The following RTL4 variants were observed in gnomAD, a reference collection of about 807,000 sequenced individuals.
The protein encoded by RTL4 is retrotransposon Gag-like protein 4.
Under a neutral mutation model 5.3 loss-of-function variants are expected in RTL4, and 4 were observed. That is an observed-to-expected ratio of 0.75 (90% CI 0.37 to 1.72). RTL4 has a LOEUF of 1.72. Among genes scored for constraint, RTL4 ranks in the 40% most tolerant of loss-of-function variants. RTL4 has a pLI of 0.04. For synonymous variants in RTL4, 98 were observed against 87.3 expected (o/e 1.12, Z -0.68); for missense variants, 260 against 227.1 (o/e 1.14, Z -0.93).
the RTL4 span, among the ~76,000 whole-genome samples, chrX:112,135,019 G>T: frequency 2.1e-4 from 23 of 112,052 alleles, no homozygotes; most frequent in Non-Finnish European, 4.3e-4. Context: ...ACATTCATAT[G>T]CAAATGTTTG....
chrX:112,104,416 G>A, the RTL4 span, among the ~76,000 whole-genome samples: 3 of 111,474 alleles, frequency 2.7e-5, no homozygotes, highest in Non-Finnish European at 5.7e-5. Context: ...AATACACCCA[G>A]TAATGGGATC....
the RTL4 span, among the ~76,000 whole-genome samples, chrX:112,174,159 C>A: frequency 2.9e-5 from 3 of 102,925 alleles, no homozygotes; most frequent in African/African-American, 1.1e-4. Flanking sequence ...TATACATGTG[C>A]CATGCTGGTG....
chrX:112,165,323 G>A, the RTL4 span, among the ~76,000 whole-genome samples: 1 of 112,340 alleles, frequency 8.9e-6, no homozygotes, highest in African/African-American at 3.2e-5. Context: ...TTCAGAAGCA[G>A]TAAAATGCCA....
chrX:112,174,672 G>A, the RTL4 span, among the ~76,000 whole-genome samples: 1 of 69,250 alleles, frequency 1.4e-5, no homozygotes, highest in Non-Finnish European at 2.8e-5. Context: ...CTTCCACAAT[G>A]GTTGAACTAG....
chrX:112,219,268 A>C, the RTL4 span, among the ~76,000 whole-genome samples: 1 of 112,569 alleles, frequency 8.9e-6, no homozygotes, highest in Non-Finnish European at 1.9e-5. Context: ...AGGCATCTCA[A>C]GGGAATAAGA....
chrX:112,135,450 C>T, the RTL4 span, among the ~76,000 whole-genome samples: 30 of 111,293 alleles, frequency 2.7e-4, no homozygotes, highest in African/African-American at 7.5e-4. Flanking sequence ...AGATATACTT[C>T]GCAATGATTT....
At chrX:112,295,403 G>A in the RTL4 span, among the ~76,000 whole-genome samples, 1 of 112,161 alleles carries the variant, frequency 8.9e-6, no homozygotes, top group East Asian at 2.8e-4. Context: ...CCCACTTGAA[G>A]TATAGAAATC....
At chrX:112,093,928 TAGTC>T in the RTL4 span, among the ~76,000 whole-genome samples, 1 of 111,476 alleles carries the variant, frequency 9.0e-6, no homozygotes, top group African/African-American at 3.3e-5. Flanking sequence ...ACAGCAATAA[TAGTC>T]AGGGGCTGTT....
At chrX:112,136,735 T>C in the RTL4 span, among the ~76,000 whole-genome samples, 1 of 111,488 alleles carries the variant, frequency 9.0e-6, no homozygotes, top group Non-Finnish European at 1.9e-5. Context: ...TCAAAGCAGA[T>C]TGGAGGAAGA....
At chrX:112,380,191 G>A in the RTL4 span, among the ~76,000 whole-genome samples, 1 of 105,756 alleles carries the variant, frequency 9.5e-6, no homozygotes, top group African/African-American at 3.6e-5. Context: ...GTGTTGCCCA[G>A]GCTGGAGCGC....
the RTL4 span, among the ~76,000 whole-genome samples, chrX:112,092,231 T>G: frequency 8.9e-6 from 1 of 111,980 alleles, no homozygotes; most frequent in South Asian, 3.7e-4. Flanking sequence ...CTGTAAGAAA[T>G]AACTTACTTC....
At chrX:112,178,851 A>G in the RTL4 span, among the ~76,000 whole-genome samples, 1 of 111,702 alleles carries the variant, frequency 9.0e-6, no homozygotes, top group South Asian at 3.8e-4. Context: ...CTTAGAAAAT[A>G]AATCCACGAC....
chrX:112,228,714 C>T, the RTL4 span, among the ~76,000 whole-genome samples: 1 of 111,823 alleles, frequency 8.9e-6, no homozygotes, highest in African/African-American at 3.3e-5. Flanking sequence ...CTGTGGGAAC[C>T]TCAGTTCTAT....
the RTL4 span, among the ~76,000 whole-genome samples, chrX:112,325,680 C>A: frequency 8.9e-6 from 1 of 112,224 alleles, no homozygotes; most frequent in African/African-American, 3.2e-5. Flanking sequence ...AAATGTTAGA[C>A]CTAAAACCAT....
At chrX:112,424,192 C>A in the RTL4 span, among the ~76,000 whole-genome samples, 1 of 111,710 alleles carries the variant, frequency 9.0e-6, no homozygotes, top group Non-Finnish European at 1.9e-5. Flanking sequence ...GTTATAACAA[C>A]CCCAGGACAT....
the RTL4 span, among the ~76,000 whole-genome samples, chrX:112,086,391 CA>C: frequency 1.8e-5 from 2 of 112,017 alleles, no homozygotes; most frequent in Non-Finnish European, 3.8e-5. Context: ...ATGGCAAAAG[CA>C]AAAGAAATGG....
chrX:112,418,340 T>C, the RTL4 span, among the ~76,000 whole-genome samples: 1 of 111,183 alleles, frequency 9.0e-6, no homozygotes, highest in Non-Finnish European at 1.9e-5. Flanking sequence ...AATCAACTCC[T>C]CAACACTAGT....
the RTL4 span, among the ~76,000 whole-genome samples, chrX:112,336,367 GTTA>G: frequency 9.0e-6 from 1 of 111,032 alleles, no homozygotes; most frequent in Non-Finnish European, 1.9e-5. Context: ...ATTTTTAATA[GTTA>G]TTGTTTTACT....
the RTL4 span, among the ~76,000 whole-genome samples, chrX:112,368,836 C>T: frequency 8.9e-6 from 1 of 112,052 alleles, no homozygotes; most frequent in African/African-American, 3.2e-5. Context: ...GATTCTCTTT[C>T]GTGGACCACA....
Sources: allele counts gnomAD v4.1 joint callset (sites outside exome capture counted in the v4.1 genomes callset), GRCh38; gene constraint gnomAD v4.1.1; transcripts MANE v1.5; gene names NCBI Gene and HGNC (gene_info 2026-07-23, HGNC 2026-07-21).